Variants in CACNA1H observed in about 807,000 individuals in gnomAD.
The protein encoded by CACNA1H is voltage-dependent T-type calcium channel subunit alpha-1H.
In CACNA1H, 149 loss-of-function variants were observed where a neutral mutation model predicts 192.5. The observed-to-expected ratio is 0.77, with a 90% CI of 0.68 to 0.89. The LOEUF (loss-of-function observed/expected upper bound fraction) is 0.89, where lower values mean the gene tolerates loss of function less well. Among genes scored for constraint, CACNA1H ranks in the 40% least tolerant of loss-of-function variants. CACNA1H has a pLI of 0.00. For missense variants in CACNA1H, 4,257 were observed against 3,423.5 expected (o/e 1.24, Z -6.08); for synonymous variants, 2,202 against 1,475.2 (o/e 1.49, Z -11.29).
rs1353005063 is a variant in CACNA1H at position 1,180,184 on chromosome 16, G to C, written c.300-14788G>C. ...CCTGTCCCTGCACACCGGGTCAGCC[G>C]GCTCCTGGGTGCACAGGCAGGTGGT... is the stretch of plus-strand genomic sequence containing the variant. On this transcript the variant is annotated intron_variant, in intron 2 of 34. Transcript: ENST00000348261. This position sits in a 1 kb window ranked among gnomAD's most constrained non-coding sequence, Gnocchi z 4.4. Among the ~76,000 whole-genome samples, 1 of 152,250 alleles carries C rather than the reference G, an allele frequency of 6.6e-6. No homozygotes were observed. Among genetic ancestry groups the C allele is most frequent in the Non-Finnish European group, 1.5e-5 (1 of 68,048 alleles).
At chr16:1,204,488 TC>T in intron 10 of CACNA1H, 30 bp downstream of exon 10, 1 of 1,501,482 alleles carries the variant, frequency 6.7e-7, no homozygotes, top group Non-Finnish European at 8.9e-7. Context: ...CGGGGTGGGC[TC>T]CCTGTCAGGC....
intron 25 of CACNA1H, 83 bp from the exon 26 acceptor site, chr16:1,212,428 C>A (rs753041244): frequency 7.1e-7 from 1 of 1,404,686 alleles, no homozygotes; most frequent in East Asian, 2.5e-5. Context: ...CCCCGAGACA[C>A]GGGGGCTGAG....
rs116718299 is a variant in CACNA1H, at chr16:1,196,966, C to T, written c.643+943C>T. 7.0e-3 allele frequency among the ~76,000 whole-genome samples: 1,073 copies of T among 152,228 alleles called. 12 individuals are homozygous for T. The highest frequency in any genetic ancestry group is 0.025 in the African/African-American group (1,022 of 41,522). On this transcript the variant is annotated intron_variant, in intron 5 of 34. Coordinates refer to ENST00000348261, the MANE Select transcript of CACNA1H (RefSeq NM_021098.3). ...GTGTGCACGTGCGGGTGTAACACAGCCTTTCTGGCTGCCTGACCTGGGTCC... is the reference window on the plus strand; with the variant it reads ...GTGTGCACGTGCGGGTGTAACACAGTCTTTCTGGCTGCCTGACCTGGGTCC...
At position 1,215,232 on chromosome 16, in the gene CACNA1H, G is replaced by A. The variant is rs371156058; in HGVS notation, c.5040-10G>A. ...CCCCAGACGTGTGCGCTGAGCCTCC[G>A]GCCACACAGGTGGAACCAGCTGGAC... On this transcript the variant is annotated splice_polypyrimidine_tract_variant and intron_variant, in intron 28 of 34. Transcript: ENST00000348261. 4.1e-5 allele frequency: 65 copies of A among 1,597,926 alleles called. No homozygotes were observed. The highest frequency in any genetic ancestry group is 5.0e-5 in the Non-Finnish European group (59 of 1,171,904).
intron 4 of CACNA1H, 43 bp downstream of exon 4, chr16:1,195,608 C>T (rs2141199329): frequency 1.3e-6 from 2 of 1,564,386 alleles, no homozygotes; most frequent in Non-Finnish European, 1.7e-6. Flanking sequence ...GCGAAGGGGC[C>T]CCGCCCACCC....
In CACNA1H at chr16:1,210,363, C is replaced by G; in HGVS notation, c.3846-7C>G. 1 of 1,511,752 alleles carries G rather than the reference C, an allele frequency of 6.6e-7. No homozygotes were observed. The highest frequency in any genetic ancestry group is 8.9e-7 in the Non-Finnish European group (1 of 1,121,102). The allele number at this position is 1,511,752 out of a possible 1,614,324, so 93.6% of individuals were successfully genotyped here. A position where few individuals can be genotyped will look rare whatever the true frequency, so the allele number is the denominator to read the frequency against. On this transcript the variant is annotated splice_polypyrimidine_tract_variant and splice_region_variant and intron_variant, in intron 18 of 34. Transcript: ENST00000348261. ...GCCCCACCTCTCACCCGCCCCCGCC[C>G]ACCCAGGTTCCGCGTCTCCTGCCAG...
intron 2 of CACNA1H, among the ~76,000 whole-genome samples, chr16:1,173,746 C>A (rs1964597004): frequency 6.6e-6 from 1 of 152,362 alleles, no homozygotes; most frequent in African/African-American, 2.4e-5. Flanking sequence ...TGGTCTAAAC[C>A]AGCAGGCTCA....
chr16:1,167,313 T>A lies in CACNA1H; in HGVS notation c.299+13277T>A, dbSNP rs574060659. On this transcript the variant is annotated intron_variant, in intron 2 of 34. Transcript: ENST00000348261. The surrounding 1 kb of genome is among the most constrained non-coding windows in gnomAD (Gnocchi z 4.2). ...CCCGCGAATGTCAGGAACCTTGGATTCCTGACACACGGGTGCGGGGGCGAT... is the reference window on the plus strand; with the variant it reads ...CCCGCGAATGTCAGGAACCTTGGATACCTGACACACGGGTGCGGGGGCGAT... Among the ~76,000 whole-genome samples, 2 of 145,720 alleles carry A rather than the reference T, an allele frequency of 1.4e-5. No homozygotes were observed. Among genetic ancestry groups the A allele is most frequent in the East Asian group, 3.9e-4 (2 of 5,132 alleles).
intron 12 of CACNA1H, 162 bp downstream of exon 12, chr16:1,206,451 T>G: frequency 1.5e-6 from 1 of 663,360 alleles, no homozygotes; most frequent in Non-Finnish European, 2.5e-6. Context: ...GAAGCACTGA[T>G]TGGGCCCCTA....
chr16:1,186,479 C>G (rs1421003102), intron 2 of CACNA1H, among the ~76,000 whole-genome samples: 3 of 152,102 alleles, frequency 2.0e-5, no homozygotes, highest in Non-Finnish European at 2.9e-5. Flanking sequence ...ACTGTGGACT[C>G]TGCCCACGTC....
rs199532485 is a variant in CACNA1H at position 1,211,185 on chromosome 16, C to T, written c.4241C>T (p.Pro1414Leu). 5 of 1,612,886 alleles carry T rather than the reference C, an allele frequency of 3.1e-6. No individual in the cohort carries two copies. The highest frequency in any genetic ancestry group is 2.2e-5 in the East Asian group (1 of 44,866). ...LRPLRVISRAPGLKLVVETLI... is the reference protein window; with the variant it reads ...LRPLRVISRALGLKLVVETLI... Reference sequence around the variant, plus strand: ...CCCTCCAGGGTCATCAGCCGGGCCCCGGGCCTCAAGCTGGTGGTGGAGACG... The same window carrying T: ...CCCTCCAGGGTCATCAGCCGGGCCCTGGGCCTCAAGCTGGTGGTGGAGACG... The change falls in exon 22 of 35, where the codon CCG becomes CTG. Residue 1414 changes from proline (P) to leucine (L), a missense_variant. Physicochemically the swap from Pro to Leu is moderately conservative, Grantham distance 98. Transcript: ENST00000348261.
chr16:1,189,397 C>CTT lies in CACNA1H; in HGVS notation c.300-5539_300-5538dup, dbSNP rs3990780. Among the ~76,000 whole-genome samples, 153 of 45,024 alleles carry CTT rather than the reference C, an allele frequency of 3.4e-3. 52 individuals carry two copies. The highest frequency in any genetic ancestry group is 6.2e-3 in the Non-Finnish European group (110 of 17,676). 29.5% of individuals were successfully genotyped at this position (45,024 alleles called of 152,430 possible). On this transcript the variant is annotated intron_variant, in intron 2 of 34. Transcript: ENST00000348261. ...CCTGGCAGGTGCCCTGAAGAGTGTCCTTTTTTTTTTTTTTTTTTTTTTTTT... is the reference window on the plus strand; with the variant it reads ...CCTGGCAGGTGCCCTGAAGAGTGTCCTTTTTTTTTTTTTTTTTTTTTTTTTTT...
intron 2 of CACNA1H, among the ~76,000 whole-genome samples, chr16:1,186,696 C>T (rs1364830406): frequency 6.6e-6 from 1 of 152,154 alleles, no homozygotes; most frequent in Non-Finnish European, 1.5e-5. Flanking sequence ...TCCCGATGCC[C>T]GTGGCACCAC....
At chr16:1,190,245 G>T (rs542371079) in intron 2 of CACNA1H, among the ~76,000 whole-genome samples, 1 of 152,264 alleles carries the variant, frequency 6.6e-6, no homozygotes, top group African/African-American at 2.4e-5. Context: ...TCTCCGACCC[G>T]CAGTGGAAAT....
intron 1 of CACNA1H, 46 bp from the exon 2 acceptor site, chr16:1,153,674 G>T (rs1316180922): frequency 1.8e-6 from 2 of 1,126,044 alleles, no homozygotes; most frequent in Middle Eastern, 3.5e-4. Context: ...GGGAGGCAGG[G>T]CGGGGGCGTC....
At position 1,220,568 on chromosome 16, in the gene CACNA1H, C is replaced by T. The variant is rs549877299; in HGVS notation, c.6636C>T (p.Gly2212=). ...GSARPSAAEG[G]STTLRRRTPS... The stretch of plus-strand genomic sequence containing the variant: ...CGCGGCCCTCCGCGGCAGAGGGCGG[C>T]AGCACCACACTGAGGCGCAGGACCC... The change falls in exon 35 of 35, where the codon GGC becomes GGT. Residue 2212 remains glycine, a synonymous_variant. Coordinates refer to ENST00000348261, the MANE Select transcript of CACNA1H (RefSeq NM_021098.3). 12 of 1,534,564 alleles carry T rather than the reference C, an allele frequency of 7.8e-6. No homozygotes were observed. In the African/African-American group the frequency reaches 1.7e-4, roughly 21 times the overall value.
At chr16:1,206,938 CACCTTCTT>C in intron 12 of CACNA1H, 55 bp from the exon 13 acceptor site, 2 of 343,902 alleles carry the variant, frequency 5.8e-6, no homozygotes, top group East Asian at 8.1e-5. Flanking sequence ...CCCGCTCCCC[CACCTTCTT>C]CCGCTCAGCA....
rs1424478911 is a variant in CACNA1H at position 1,200,524 on chromosome 16, G to A, written c.1072G>A (p.Ala358Thr). The A allele has an allele frequency of 6.2e-7, 1 of 1,612,306 alleles. No individual in the cohort carries two copies. The highest frequency in any genetic ancestry group is 1.1e-5 in the South Asian group (1 of 91,090). Residue 358 changes from alanine (A) to threonine (T), a missense_variant, in exon 7 of 35, where the codon GCC becomes ACC. Physicochemically the swap from Ala to Thr is moderately conservative, Grantham distance 58. Transcript: ENST00000348261. Reference sequence around the variant, plus strand: ...GGGTGACTCCAACCCCCACAACGGTGCCATCAACTTCGACAACATCGGCTA... The same window carrying A: ...GGGTGACTCCAACCCCCACAACGGTACCATCAACTTCGACAACATCGGCTA... ...RSGDSNPHNG[A>T]INFDNIGYAW...
intron 2 of CACNA1H, among the ~76,000 whole-genome samples, chr16:1,163,817 A>G (rs1422017720): frequency 3.3e-5 from 5 of 152,162 alleles, no homozygotes; most frequent in Non-Finnish European, 7.4e-5. Context: ...CCAGGGTGAG[A>G]GGCCCCGGGA....
Sources: gnomAD v4.1 joint callset for allele counts (sites outside exome capture counted in the v4.1 genomes callset) on GRCh38, gnomAD v4.1.1 for gene constraint, Gnocchi (gnomAD v3.1) non-coding constraint, MANE v1.5 for transcripts, NCBI Gene and HGNC (gene_info 2026-07-23, HGNC 2026-07-21) for gene names.